Variants in ITGA4 observed in about 807,000 individuals in gnomAD.
ITGA4 encodes integrin alpha-4.
Under a neutral mutation model 133.6 loss-of-function variants are expected in ITGA4, and 63 were observed. That is an observed-to-expected ratio of 0.47 (90% confidence interval 0.38 to 0.58). ITGA4 has a LOEUF of 0.58. Among genes scored for constraint, ITGA4 ranks in the 20% least tolerant of loss-of-function variants. The pLI, the probability that ITGA4 is intolerant of heterozygous loss-of-function variation, is 0.00. For synonymous variants in ITGA4, 483 were observed against 438.0 expected (o/e 1.10, Z -1.28); for missense variants, 1,076 against 1,252.7 (o/e 0.86, Z 2.13).
At chr2:181,531,517 A>G in intron 24 of ITGA4, 140 bp from the exon 25 acceptor site, 1 of 372,560 alleles carries the variant, frequency 2.7e-6, no homozygotes, top group Non-Finnish European at 4.7e-6. Flanking sequence ...CACTAAGGAA[A>G]GCAGATGTTT....
At position 181,509,561 on chromosome 2, in the gene ITGA4, C is replaced by CATGT. The variant is rs1481572315; in HGVS notation, c.1696-94_1696-91dup. 3 of 794,654 alleles carry CATGT rather than the reference C, an allele frequency of 3.8e-6. No individual in the cohort carries two copies. In the African/African-American group the frequency reaches 5.4e-5, roughly 14 times the overall value. 49.2% of individuals were successfully genotyped at this position (794,654 alleles called of 1,614,324 possible). A position where few individuals can be genotyped will look rare whatever the true frequency, so the allele number is the denominator to read the frequency against. On this transcript the variant is annotated intron_variant, in intron 15 of 27. Transcript: ENST00000397033. ...AAAGATAAGTATTTGCTTTGTCTTC[C>CATGT]ATGTATAGTGTTTGGCCCTTTTCAG...
At chr2:181,481,457 G>A (rs1472876547) in intron 6 of ITGA4, 141 bp from the exon 7 acceptor site, 2 of 352,380 alleles carry the variant, frequency 5.7e-6, no homozygotes, top group African/African-American at 4.2e-5. Context: ...CCAATTTTGA[G>A]TATCTCTATG....
Position 181,478,832 on chromosome 2 carries a change from T to C in ITGA4, c.624+8T>C, listed in dbSNP as rs968500044. 3 of 1,383,930 alleles carry C rather than the reference T, an allele frequency of 2.2e-6. No homozygotes were observed. Among genetic ancestry groups the C allele is most frequent in the East Asian group, 2.5e-5 (1 of 40,622 alleles). 85.7% of individuals were successfully genotyped at this position (1,383,930 alleles called of 1,614,324 possible). A position where few individuals can be genotyped will look rare whatever the true frequency, so the allele number is the denominator to read the frequency against. ...TCCAGTTTTTACACAAAGGTAATTG[T>C]TCAAAAAATAGCTGCTATAAATGTT... On this transcript the variant is annotated splice_region_variant and intron_variant, in intron 5 of 27. Coordinates refer to ENST00000397033, the MANE Select transcript of ITGA4 (RefSeq NM_000885.6).
intron 9 of ITGA4, among the ~76,000 whole-genome samples, chr2:181,483,810 C>T (rs1436786753): frequency 6.6e-6 from 1 of 152,162 alleles, no homozygotes; most frequent in Non-Finnish European, 1.5e-5. Context: ...GCAAATTTCT[C>T]TTATTTTCCT....
At chr2:181,524,089 A>G (rs1029137629) in intron 19 of ITGA4, 82 bp from the exon 20 acceptor site, 1 of 875,534 alleles carries the variant, frequency 1.1e-6, no homozygotes, top group Non-Finnish European at 1.8e-6. Flanking sequence ...CATAGAACAT[A>G]AACTTTTAAG....
In ITGA4 at chr2:181,536,266, T is replaced by G. The variant is rs199623665; in HGVS notation, c.*739T>G. Reference sequence around the variant, plus strand: ...ATGTGTTTTTATGTAGGTATATATTTACCATTCTTCCTATCTATTCTTCCT... The same window carrying G: ...ATGTGTTTTTATGTAGGTATATATTGACCATTCTTCCTATCTATTCTTCCT... On this transcript the variant is annotated 3_prime_UTR_variant, in exon 28 of 28. Coordinates refer to ENST00000397033, the MANE Select transcript of ITGA4 (RefSeq NM_000885.6). 9 of 152,080 alleles carry G rather than the reference T, an allele frequency of 5.9e-5. No individual in the cohort carries two copies. The highest frequency in any genetic ancestry group is 1.0e-4 in the Non-Finnish European group (7 of 67,966). The allele number at this position is 152,080 out of a possible 1,614,324, so 9.4% of individuals were successfully genotyped here.
chr2:181,486,324 G>A (rs1685918002), intron 10 of ITGA4: 1 of 198,644 alleles, frequency 5.0e-6, no homozygotes, highest in Non-Finnish European at 1.0e-5. Flanking sequence ...GGAAGATCCT[G>A]ATTTCAGAAA....
Position 181,535,479 on chromosome 2 carries a change from CAGAAG to C in ITGA4, c.3055_3059del (p.Arg1019GlnfsTer8), listed in dbSNP as rs1687047558. The C allele has an allele frequency of 6.2e-7, 1 of 1,609,180 alleles. No homozygotes were observed. Among genetic ancestry groups the C allele is most frequent in the African/African-American group, 1.3e-5 (1 of 74,630 alleles). ...ACAAATCTATCCTACAAGAAGAAAA[CAGAAG>C]AGACAGTTGGAGTTATATCAACAGT... is the stretch of plus-strand genomic sequence containing the variant. On this transcript the variant is annotated frameshift_variant, in exon 28 of 28. Transcript: ENST00000397033. LOFTEE classifies it high-confidence loss of function.
chr2:181,475,538 G>C (rs1164732751), intron 4 of ITGA4, among the ~76,000 whole-genome samples: 1 of 152,002 alleles, frequency 6.6e-6, no homozygotes, highest in Admixed American at 6.6e-5. Context: ...ACCCACTTTT[G>C]CATCAAATTT....
In ITGA4 at chr2:181,529,774, C is replaced by T. The variant is rs1033219053; in HGVS notation, c.2538+126C>T. On this transcript the variant is annotated intron_variant, in intron 23 of 27. Transcript: ENST00000397033. Reference sequence around the variant, plus strand: ...ATTGTTAACTTACTTCAGTCACACTCTAAGCTATGAATTCACCATGCATTT... The same window carrying T: ...ATTGTTAACTTACTTCAGTCACACTTTAAGCTATGAATTCACCATGCATTT... 5 of 579,528 alleles carry T rather than the reference C, an allele frequency of 8.6e-6. No individual in the cohort carries two copies. In the African/African-American group the frequency reaches 9.5e-5, roughly 11 times the overall value. 35.9% of individuals were successfully genotyped at this position (579,528 alleles called of 1,614,324 possible).
chr2:181,510,198 T>G (rs966707853), intron 16 of ITGA4, among the ~76,000 whole-genome samples: 11 of 152,098 alleles, frequency 7.2e-5, no homozygotes, highest in Non-Finnish European at 1.5e-4. Context: ...TTCATCCTAC[T>G]CACAGATTCA....
Position 181,523,799 on chromosome 2 carries a change from C to T in ITGA4, c.2169+267C>T, listed in dbSNP as rs1686772047. On this transcript the variant is annotated intron_variant, in intron 19 of 27. Coordinates refer to ENST00000397033, the MANE Select transcript of ITGA4 (RefSeq NM_000885.6). The surrounding 1 kb of genome is among the most constrained non-coding windows in gnomAD (Gnocchi z 4.2). ...ATTCTGCTCCCCCTACACACCCTTCCCGAAAACCCCCACCCCCACCGCAGG... is the reference window on the plus strand; with the variant it reads ...ATTCTGCTCCCCCTACACACCCTTCTCGAAAACCCCCACCCCCACCGCAGG... Among the ~76,000 whole-genome samples, 1 of 152,110 alleles carries T rather than the reference C, an allele frequency of 6.6e-6. No homozygotes were observed. Among genetic ancestry groups the T allele is most frequent in the Admixed American group, 6.6e-5 (1 of 15,252 alleles).
Position 181,457,578 on chromosome 2 carries a change from C to G in ITGA4, c.-77C>G. 1 of 1,357,002 alleles carries G rather than the reference C, an allele frequency of 7.4e-7. No homozygotes were observed. Among genetic ancestry groups the G allele is most frequent in the Admixed American group, 2.1e-5 (1 of 47,134 alleles). 84.1% of individuals were successfully genotyped at this position (1,357,002 alleles called of 1,614,324 possible). ...GCCTCATCTCTTGGGGCGTTCTTCC[C>G]CGTTGGCCAACCGTCGCATCCCGTG... On this transcript the variant is annotated 5_prime_UTR_variant, in exon 1 of 28. Coordinates refer to ENST00000397033, the MANE Select transcript of ITGA4 (RefSeq NM_000885.6).
At chr2:181,497,828 T>C in intron 14 of ITGA4, among the ~76,000 whole-genome samples, 1 of 152,232 alleles carries the variant, frequency 6.6e-6, no homozygotes, top group African/African-American at 2.4e-5. Flanking sequence ...GTTCTCACTT[T>C]CTTGGTAAGA....
chr2:181,472,027 G>C (rs1335261284), intron 2 of ITGA4, among the ~76,000 whole-genome samples: 1 of 152,220 alleles, frequency 6.6e-6, no homozygotes, highest in Non-Finnish European at 1.5e-5. Flanking sequence ...CATGTGGAGA[G>C]AAAGAAGTTT....
At chr2:181,471,372 T>C (rs1478772854) in intron 2 of ITGA4, among the ~76,000 whole-genome samples, 1 of 152,214 alleles carries the variant, frequency 6.6e-6, no homozygotes, top group Admixed American at 6.5e-5. Context: ...TTACTAAGCC[T>C]TGGAAATAGG....
At chr2:181,474,475 A>G (rs1003168177) in intron 2 of ITGA4, among the ~76,000 whole-genome samples, 16 of 152,226 alleles carry the variant, frequency 1.1e-4, no homozygotes, top group African/African-American at 3.6e-4. Context: ...CACTTTCTGC[A>G]TGCTTAATCA....
chr2:181,476,927 T>C (rs59803867), intron 4 of ITGA4, among the ~76,000 whole-genome samples: 85,893 of 151,950 alleles, frequency 0.57, 24,486 homozygotes, highest in Admixed American at 0.67. Context: ...TGAGTACATA[T>C]GGACACAAGG....
intron 2 of ITGA4, among the ~76,000 whole-genome samples, chr2:181,470,149 C>G (rs548391693): frequency 2.6e-5 from 4 of 151,802 alleles, no homozygotes; most frequent in African/African-American, 9.7e-5. Context: ...GTAAGTATAA[C>G]TATAATGGAA....
Sources: gnomAD v4.1 joint callset for allele counts (sites outside exome capture counted in the v4.1 genomes callset) on GRCh38, gnomAD v4.1.1 for gene constraint, Gnocchi (gnomAD v3.1) non-coding constraint, MANE v1.5 for transcripts, NCBI Gene and HGNC (gene_info 2026-07-23, HGNC 2026-07-21) for gene names.